NRDC: variants seen among roughly 807,000 people sequenced by gnomAD.
The protein encoded by NRDC is nardilysin.
Under a neutral mutation model 147.1 loss-of-function variants are expected in NRDC, and 54 were observed. The ratio of observed to expected loss-of-function variants is 0.37; its 90% confidence interval spans 0.29 to 0.46. The LOEUF (loss-of-function observed/expected upper bound fraction) is 0.46, where lower values mean the gene tolerates loss of function less well. Ranked by LOEUF, NRDC falls within the 20% of genes least tolerant of loss-of-function variation. The pLI, the probability that NRDC is intolerant of heterozygous loss-of-function variation, is 1.00. For missense variants in NRDC, 1,082 were observed against 1,370.6 expected (o/e 0.79, Z 3.33); for synonymous variants, 440 against 482.1 (o/e 0.91, Z 1.14).
chr1:51,848,090 G>C (rs555957321), intron 1 of NRDC, among the ~76,000 whole-genome samples: 128 of 152,344 alleles, frequency 8.4e-4, no homozygotes, highest in Non-Finnish European at 1.3e-3. Context: ...TTTAAAGACA[G>C]TCATGAACAA....
intron 1 of NRDC, among the ~76,000 whole-genome samples, chr1:51,848,222 TC>T (rs1681751997): frequency 6.6e-6 from 1 of 152,150 alleles, no homozygotes; most frequent in Admixed American, 6.5e-5. Context: ...ACGCCTGTAA[TC>T]CCAGCACTTT....
intron 1 of NRDC, among the ~76,000 whole-genome samples, chr1:51,864,994 A>T (rs1682734716): frequency 6.6e-6 from 1 of 151,892 alleles, no homozygotes; most frequent in African/African-American, 2.4e-5. Flanking sequence ...AAAAACTATA[A>T]TAAAATTTTT....
At chr1:51,822,049 A>G (rs1680234671) in intron 7 of NRDC, among the ~76,000 whole-genome samples, 1 of 151,930 alleles carries the variant, frequency 6.6e-6, no homozygotes, top group Non-Finnish European at 1.5e-5. Flanking sequence ...CTTTATATAT[A>G]TATATATCAT....
At chr1:51,836,679 T>C (rs1038793442) in intron 2 of NRDC, among the ~76,000 whole-genome samples, 2 of 152,152 alleles carry the variant, frequency 1.3e-5, no homozygotes, top group Non-Finnish European at 2.9e-5. Flanking sequence ...ACATGTAACT[T>C]AGAAAATTTT....
intron 4 of NRDC, among the ~76,000 whole-genome samples, chr1:51,830,254 C>T (rs975806887): frequency 1.2e-4 from 18 of 152,126 alleles, no homozygotes; most frequent in African/African-American, 3.1e-4. Flanking sequence ...TGAGCCACTG[C>T]GTCTGGCCTT....
chr1:51,842,029 T>C (rs142478128), intron 1 of NRDC, among the ~76,000 whole-genome samples: 3,144 of 152,102 alleles, frequency 0.021, 55 homozygotes, highest in Non-Finnish European at 0.028. Context: ...AAAATTAGCC[T>C]GGCATGGTGG....
rs951109763 is a variant in NRDC, at chr1:51,840,469, G to A, written c.387C>T (p.Asp129=). The A allele has an allele frequency of 1.2e-6, 2 of 1,610,816 alleles. No individual in the cohort carries two copies. The highest frequency in any genetic ancestry group is 1.7e-6 in the Non-Finnish European group (2 of 1,179,002). ...QNGLQALLIS[D]LSNMEGKTGN... ...CTGTTTTACCTTCCATATTACTTAG[G>A]TCTGAAATCAGAAGTGCCTGCAAGC... The change falls in exon 2 of 31, where the codon GAC becomes GAT. Residue 129 remains aspartate, a synonymous_variant. Coordinates refer to ENST00000352171, the MANE Select transcript of NRDC (RefSeq NM_001101662.2).
At chr1:51,843,947 A>G (rs760223597) in intron 1 of NRDC, among the ~76,000 whole-genome samples, 15 of 152,066 alleles carry the variant, frequency 9.9e-5, no homozygotes, top group Admixed American at 2.0e-4. Context: ...AATTTTTCAT[A>G]AACAGAACAG....
At chr1:51,832,305 C>A (rs1249485446) in intron 4 of NRDC, among the ~76,000 whole-genome samples, 1 of 152,074 alleles carries the variant, frequency 6.6e-6, no homozygotes, top group Non-Finnish European at 1.5e-5. Context: ...CCTCGGCCCC[C>A]CAAAGTGTTG....
intron 2 of NRDC, 178 bp from the exon 3 acceptor site, chr1:51,836,390 C>T: frequency 1.2e-6 from 2 of 1,613,710 alleles, no homozygotes; most frequent in Non-Finnish European, 1.7e-6. Context: ...CAGTTTCACC[C>T]TGCTGCTCCT....
chr1:51,791,751 G>A (rs1678668568), intron 26 of NRDC, 90 bp from the exon 27 acceptor site: 1 of 1,068,234 alleles, frequency 9.4e-7, no homozygotes, highest in Admixed American at 1.9e-5. Flanking sequence ...AAAAGTTTCT[G>A]CCCATCCTTA....
chr1:51,859,315 G>A (rs1682414732), intron 1 of NRDC, among the ~76,000 whole-genome samples: 1 of 152,202 alleles, frequency 6.6e-6, no homozygotes, highest in Non-Finnish European at 1.5e-5. Flanking sequence ...GTTGTAAATT[G>A]TTACTAAAAT....
chr1:51,852,485 T>C (rs1394430583), intron 1 of NRDC, among the ~76,000 whole-genome samples: 1 of 15,358 alleles, frequency 6.5e-5, no homozygotes, highest in African/African-American at 3.5e-4. Context: ...ATACATTATA[T>C]ATAACATGTA....
At chr1:51,821,918 C>T (rs1680228853) in intron 7 of NRDC, among the ~76,000 whole-genome samples, 1 of 152,090 alleles carries the variant, frequency 6.6e-6, no homozygotes, top group Admixed American at 6.6e-5. Flanking sequence ...AAGGTTTTTC[C>T]GTACTAACCC....
chr1:51,837,737 T>C, intron 2 of NRDC: 1 of 712,410 alleles, frequency 1.4e-6, no homozygotes, highest in Non-Finnish European at 2.0e-6. Flanking sequence ...ATGTATATCA[T>C]ATTCAAATTT....
At chr1:51,811,302 C>T (rs1432533686) in intron 15 of NRDC, among the ~76,000 whole-genome samples, 1 of 152,190 alleles carries the variant, frequency 6.6e-6, no homozygotes, top group Non-Finnish European at 1.5e-5. Context: ...TGTCAAATAA[C>T]TATGGTAGGA....
chr1:51,821,420 A>G, intron 8 of NRDC, 78 bp downstream of exon 8: 1 of 972,752 alleles, frequency 1.0e-6, no homozygotes, highest in Non-Finnish European at 1.6e-6. Flanking sequence ...TAAAAAAGCA[A>G]AAAACCTTTG....
At chr1:51,852,353 G>T (rs975136187) in intron 1 of NRDC, among the ~76,000 whole-genome samples, 1 of 151,556 alleles carries the variant, frequency 6.6e-6, no homozygotes, top group African/African-American at 2.4e-5. Context: ...GATAGTAAGA[G>T]ATTTGAAAGG....
chr1:51,808,863 A>G (rs894623048), intron 17 of NRDC, among the ~76,000 whole-genome samples: 13 of 152,150 alleles, frequency 8.5e-5, no homozygotes, highest in African/African-American at 2.4e-4. Context: ...ACACTTTGCT[A>G]TTTTCTATTC....
Sources: allele counts gnomAD v4.1 joint callset (sites outside exome capture counted in the v4.1 genomes callset), GRCh38; gene constraint gnomAD v4.1.1; transcripts MANE v1.5; gene names NCBI Gene and HGNC (gene_info 2026-07-23, HGNC 2026-07-21).